The following NFIA variants were observed in gnomAD, a reference collection of about 807,000 sequenced individuals.
NFIA encodes nuclear factor 1 A-type.
NFIA carries 8 observed loss-of-function variants against 62.8 expected under a neutral mutation model. That is an observed-to-expected ratio of 0.13 (90% CI 0.07 to 0.23). The LOEUF (loss-of-function observed/expected upper bound fraction) is 0.23, where lower values mean the gene tolerates loss of function less well. Among genes scored for constraint, NFIA ranks in the 10% least tolerant of loss-of-function variants. The probability of loss-of-function intolerance (pLI) is 1.00; values close to 1 mark genes in which losing one functional copy is unlikely to be tolerated. For missense variants in NFIA, 410 were observed against 642.1 expected (o/e 0.64, Z 3.91); for synonymous variants, 235 against 238.1 (o/e 0.99, Z 0.12).
intron 4 of NFIA, among the ~76,000 whole-genome samples, chr1:61,333,646 A>G (rs1455874996): frequency 6.6e-6 from 1 of 152,190 alleles, no homozygotes; most frequent in Non-Finnish European, 1.5e-5. Flanking sequence ...CAGACAAGAA[A>G]TTACCCCATT....
chr1:61,240,970 G>GT (rs561327612), intron 2 of NFIA, among the ~76,000 whole-genome samples: 7,622 of 138,378 alleles, frequency 0.055, 229 homozygotes, highest in Non-Finnish European at 0.069. Flanking sequence ...TTTGGGGTTT[G>GT]TTTTTTTTTT....
At chr1:61,422,293 G>T (rs1315445979) in intron 9 of NFIA, among the ~76,000 whole-genome samples, 1 of 152,074 alleles carries the variant, frequency 6.6e-6, no homozygotes, top group African/African-American at 2.4e-5. Context: ...ACTGACGTTG[G>T]CATGAATATT....
At chr1:61,308,645 G>A (rs1659930423) in intron 3 of NFIA, among the ~76,000 whole-genome samples, 1 of 152,136 alleles carries the variant, frequency 6.6e-6, no homozygotes. Context: ...TTACATCCTG[G>A]CTTTGTCCTT....
chr1:61,081,706 C>T, upstream of NFIA: 3 of 605,334 alleles, frequency 5.0e-6, no homozygotes, highest in Admixed American at 3.1e-5. Flanking sequence ...CAGACCCCCG[C>T]CCCCCAAATC....
At chr1:61,448,497 C>A (rs1001622270) in intron 10 of NFIA, among the ~76,000 whole-genome samples, 2 of 152,212 alleles carry the variant, frequency 1.3e-5, no homozygotes, top group Admixed American at 1.3e-4. Context: ...AACCCAGCTA[C>A]CCCTGGCTTT....
In NFIA at chr1:61,184,123, A is replaced by AACC. The variant is rs1491316408; in HGVS notation, c.560-93397_560-93396insACC. 1.6e-3 allele frequency among the ~76,000 whole-genome samples: 218 copies of AACC among 136,078 alleles called. 2 individuals are homozygous for AACC. The Middle Eastern group carries it at 0.036, about 23-fold the overall frequency. 89.3% of individuals were successfully genotyped at this position (136,078 alleles called of 152,430 possible). ...AAGGTTTATGGGGGGGGGAAAAAAA[A>AACC]CCAAAAAAAAAAAAAAAAACCCAAA... On this transcript the variant is annotated intron_variant, in intron 2 of 10. Coordinates refer to ENST00000403491, the MANE Select transcript of NFIA (RefSeq NM_001134673.4).
intron 9 of NFIA, among the ~76,000 whole-genome samples, chr1:61,408,475 A>G (rs1261869583): frequency 6.6e-6 from 1 of 152,214 alleles, no homozygotes; most frequent in African/African-American, 2.4e-5. Context: ...TGGCTTACAG[A>G]TTATGCCTAC....
chr1:61,165,576 G>A (rs954224268), intron 2 of NFIA, among the ~76,000 whole-genome samples: 2 of 152,146 alleles, frequency 1.3e-5, no homozygotes, highest in Non-Finnish European at 2.9e-5. Context: ...TGATATTTTT[G>A]CTTACACCTT....
intron 3 of NFIA, among the ~76,000 whole-genome samples, chr1:61,289,384 G>A (rs1658720849): frequency 6.6e-6 from 1 of 152,096 alleles, no homozygotes; most frequent in Non-Finnish European, 1.5e-5. Context: ...TAATCCTATG[G>A]AGGTAGGTGC....
At chr1:61,269,461 A>G (rs986324045) in intron 2 of NFIA, among the ~76,000 whole-genome samples, 1 of 152,224 alleles carries the variant, frequency 6.6e-6, no homozygotes, top group African/African-American at 2.4e-5. Flanking sequence ...CAATGCCTGT[A>G]CAAAAGTTAT....
At chr1:61,196,916 TGTGTGTGTGTGTGTGTGTGTGTGTGC>T (rs1400560314) in intron 2 of NFIA, among the ~76,000 whole-genome samples, 1 of 139,904 alleles carries the variant, frequency 7.1e-6, no homozygotes, top group Admixed American at 7.0e-5. Flanking sequence ...TGTGTGTGTG[TGTGTGTGTGTGTGTGTGTGTGTGTGC>T]GCGCGCGCGC....
At chr1:61,082,401 C>T (rs1013746343), upstream of NFIA, 3 of 867,992 alleles carry the variant, frequency 3.5e-6, no homozygotes, top group Non-Finnish European at 4.1e-6. Flanking sequence ...CGCGAGCGGG[C>T]GGCGGCTGTG....
chr1:61,242,908 A>G (rs185937415), intron 2 of NFIA, among the ~76,000 whole-genome samples: 4 of 152,286 alleles, frequency 2.6e-5, no homozygotes, highest in South Asian at 2.1e-4. Context: ...TGAAAAATCT[A>G]TAGCTTTAGG....
intron 6 of NFIA, 140 bp from the exon 7 acceptor site, chr1:61,383,097 A>T (rs1169756471): frequency 9.5e-7 from 1 of 1,055,932 alleles, no homozygotes; most frequent in Non-Finnish European, 1.4e-6. Flanking sequence ...ACAAATGCAA[A>T]GCAATTCACA....
intron 9 of NFIA, among the ~76,000 whole-genome samples, chr1:61,420,601 A>G (rs1666569866): frequency 6.6e-6 from 1 of 152,166 alleles, no homozygotes; most frequent in South Asian, 2.1e-4. Context: ...CTTTTGTCTA[A>G]TAACTGGCAA....
Position 61,406,544 on chromosome 1 carries a change from C to CGGG in NFIA, c.1255-18_1255-17insGGG. The CGGG allele has an allele frequency of 7.6e-5, 6 of 79,258 alleles. No homozygotes were observed. Among genetic ancestry groups the CGGG allele is most frequent in the Non-Finnish European group, 1.0e-4 (5 of 49,432 alleles). 4.9% of individuals were successfully genotyped at this position (79,258 alleles called of 1,614,324 possible). On this transcript the variant is annotated splice_polypyrimidine_tract_variant and intron_variant, in intron 8 of 10. Transcript: ENST00000403491. ...CTTTTTCTTGTACGTGTGTTTTCTG[C>CGGG]CCCCCCCCCCCCCACAGCCCAATGG...
chr1:61,396,634 A>G (rs916766169), intron 7 of NFIA, among the ~76,000 whole-genome samples: 2 of 152,134 alleles, frequency 1.3e-5, no homozygotes, highest in African/African-American at 4.8e-5. Flanking sequence ...AAGGGAAATG[A>G]TAGAGATTTC....
chr1:61,256,893 G>A (rs2100227442), intron 2 of NFIA, among the ~76,000 whole-genome samples: 1 of 152,210 alleles, frequency 6.6e-6, no homozygotes, highest in East Asian at 1.9e-4. Context: ...GTGCCAGCCT[G>A]GGACGAGAAC....
At chr1:61,424,214 AT>A (rs1666763418) in intron 9 of NFIA, among the ~76,000 whole-genome samples, 1 of 152,182 alleles carries the variant, frequency 6.6e-6, no homozygotes, top group Non-Finnish European at 1.5e-5. Flanking sequence ...TAGCTAAAGT[AT>A]TTGCATGCTA....
Sources: allele counts gnomAD v4.1 joint callset (sites outside exome capture counted in the v4.1 genomes callset), GRCh38; gene constraint gnomAD v4.1.1; transcripts MANE v1.5; gene names NCBI Gene and HGNC (gene_info 2026-07-23, HGNC 2026-07-21).